Variants in NXPH1 observed in about 807,000 individuals in gnomAD.
NXPH1 encodes neurexophilin 1.
NXPH1 carries 5 observed loss-of-function variants against 23.7 expected under a neutral mutation model. That is an observed-to-expected ratio of 0.21 (90% CI 0.11 to 0.44). The LOEUF (loss-of-function observed/expected upper bound fraction) is 0.44, where lower values mean the gene tolerates loss of function less well. Among genes scored for constraint, NXPH1 ranks in the 20% least tolerant of loss-of-function variants. The pLI, the probability that NXPH1 is intolerant of heterozygous loss-of-function variation, is 0.99. For missense variants in NXPH1, 324 were observed against 321.6 expected (o/e 1.01, Z -0.06); for synonymous variants, 144 against 122.2 (o/e 1.18, Z -1.18).
chr7:8,569,022 T>C (rs968322335), intron 2 of NXPH1, among the ~76,000 whole-genome samples: 10 of 151,920 alleles, frequency 6.6e-5, no homozygotes, highest in African/African-American at 2.4e-4. Context: ...AATATAAGTC[T>C]ATGAATTTAA....
intron 2 of NXPH1, among the ~76,000 whole-genome samples, chr7:8,616,783 T>G (rs1010640332): frequency 1.4e-5 from 2 of 145,984 alleles, no homozygotes; most frequent in Non-Finnish European, 3.0e-5. Context: ...GATTTTCCCC[T>G]AAAAACAAAT....
intron 2 of NXPH1, among the ~76,000 whole-genome samples, chr7:8,472,912 C>A (rs886920396): frequency 6.6e-6 from 1 of 152,140 alleles, no homozygotes; most frequent in Admixed American, 6.5e-5. Flanking sequence ...AAAGCCATTA[C>A]TGTTCTGAGA....
chr7:8,518,922 A>AT (rs558488705), intron 2 of NXPH1, among the ~76,000 whole-genome samples: 60 of 147,538 alleles, frequency 4.1e-4, no homozygotes, highest in African/African-American at 8.7e-4. Context: ...TCCCCTGTTC[A>AT]TTTTTTTTTT....
intron 2 of NXPH1, among the ~76,000 whole-genome samples, chr7:8,713,456 T>C (rs1562462669): frequency 6.6e-6 from 1 of 152,154 alleles, no homozygotes; most frequent in Non-Finnish European, 1.5e-5. Flanking sequence ...CCTGGTGCCT[T>C]AGTTTGTTTG....
At chr7:8,486,737 A>G (rs778006789) in intron 2 of NXPH1, among the ~76,000 whole-genome samples, 3 of 152,144 alleles carry the variant, frequency 2.0e-5, no homozygotes, top group Non-Finnish European at 2.9e-5. Context: ...TTCCTGGCAT[A>G]CATAATGTTC....
At chr7:8,673,951 A>C (rs958968463) in intron 2 of NXPH1, among the ~76,000 whole-genome samples, 3 of 152,160 alleles carry the variant, frequency 2.0e-5, no homozygotes, top group African/African-American at 7.2e-5. Context: ...TCATTTATTT[A>C]TTGATGAAGA....
chr7:8,465,764 G>C (rs987095925), intron 2 of NXPH1, among the ~76,000 whole-genome samples: 5 of 152,272 alleles, frequency 3.3e-5, no homozygotes, highest in African/African-American at 1.2e-4. Flanking sequence ...TTATTCCCTA[G>C]ACCTCACTTA....
chr7:8,510,529 C>CCCCTAAGT (rs1288698002), intron 2 of NXPH1, among the ~76,000 whole-genome samples: 3 of 151,754 alleles, frequency 2.0e-5, no homozygotes, highest in Non-Finnish European at 4.4e-5. Context: ...CATATAGGGC[C>CCCCTAAGT]ACAGGGGAAA....
chr7:8,511,438 G>T (rs1366982596), intron 2 of NXPH1, among the ~76,000 whole-genome samples: 15 of 152,104 alleles, frequency 9.9e-5, no homozygotes, highest in Admixed American at 7.9e-4. Context: ...TGCGGCCTGG[G>T]CTCCACTGCT....
intron 2 of NXPH1, among the ~76,000 whole-genome samples, chr7:8,521,885 G>C (rs532796024): frequency 3.9e-5 from 6 of 152,264 alleles, no homozygotes; most frequent in African/African-American, 1.4e-4. Context: ...TGGAGATTTG[G>C]ATAGGAGGAG....
At chr7:8,559,712 G>C (rs1232017696) in intron 2 of NXPH1, among the ~76,000 whole-genome samples, 2 of 151,594 alleles carry the variant, frequency 1.3e-5, no homozygotes, top group African/African-American at 2.4e-5. Flanking sequence ...TATAGGTTTA[G>C]GTCCGTAAAC....
chr7:8,505,585 A>C (rs1563330330), intron 2 of NXPH1, among the ~76,000 whole-genome samples: 4 of 152,110 alleles, frequency 2.6e-5, no homozygotes, highest in Non-Finnish European at 5.9e-5. Context: ...ATCTAAATCT[A>C]GGGGATATCA....
At chr7:8,707,930 C>T (rs560081740) in intron 2 of NXPH1, among the ~76,000 whole-genome samples, 1 of 152,150 alleles carries the variant, frequency 6.6e-6, no homozygotes, top group South Asian at 2.1e-4. Context: ...TTAAATAATG[C>T]AGATAAAAGC....
intron 2 of NXPH1, among the ~76,000 whole-genome samples, chr7:8,719,209 C>T (rs955288259): frequency 5.9e-5 from 9 of 152,160 alleles, no homozygotes; most frequent in African/African-American, 1.7e-4. Context: ...ATATGCAAAG[C>T]GCAGATTTCA....
At chr7:8,565,182 T>G (rs1243041084) in intron 2 of NXPH1, among the ~76,000 whole-genome samples, 1 of 151,794 alleles carries the variant, frequency 6.6e-6, no homozygotes, top group Non-Finnish European at 1.5e-5. Flanking sequence ...TGGAGAGTGA[T>G]GATGGATAGA....
At chr7:8,487,368 T>TG (rs1817175686) in intron 2 of NXPH1, among the ~76,000 whole-genome samples, 1 of 152,164 alleles carries the variant, frequency 6.6e-6, no homozygotes, top group South Asian at 2.1e-4. Context: ...AGAGTTCCCC[T>TG]GCACATGCTC....
intron 2 of NXPH1, among the ~76,000 whole-genome samples, chr7:8,610,936 A>G (rs932914687): frequency 2.6e-5 from 4 of 152,100 alleles, no homozygotes; most frequent in African/African-American, 9.7e-5. Flanking sequence ...GGGTATCACC[A>G]ATGGAATAGC....
intron 2 of NXPH1, among the ~76,000 whole-genome samples, chr7:8,444,764 T>C (rs1816367685): frequency 6.6e-6 from 1 of 152,252 alleles, no homozygotes; most frequent in South Asian, 2.1e-4. Context: ...GAAGATAGGA[T>C]GTAGCAGTTT....
intron 2 of NXPH1, among the ~76,000 whole-genome samples, chr7:8,480,471 C>T (rs1817054218): frequency 6.6e-6 from 1 of 152,158 alleles, no homozygotes; most frequent in Admixed American, 6.5e-5. Flanking sequence ...ACAATTCTCT[C>T]TTGGAATCCA....
Sources: allele counts gnomAD v4.1 joint callset (sites outside exome capture counted in the v4.1 genomes callset), GRCh38; gene constraint gnomAD v4.1.1; transcripts MANE v1.5; gene names NCBI Gene and HGNC (gene_info 2026-07-23, HGNC 2026-07-21).